Variants in SH3GL2 observed in about 807,000 individuals in gnomAD.
The protein encoded by SH3GL2 is endophilin-A1.
Under a neutral mutation model 46.0 loss-of-function variants are expected in SH3GL2, and 24 were observed. The observed-to-expected ratio is 0.52, with a 90% CI of 0.38 to 0.73. The LOEUF (loss-of-function observed/expected upper bound fraction) is 0.73. Ranked by LOEUF, SH3GL2 falls within the 30% of genes least tolerant of loss-of-function variation. The pLI is 0.00. For missense variants in SH3GL2, 413 were observed against 424.2 expected (o/e 0.97, Z 0.23); for synonymous variants, 196 against 147.1 (o/e 1.33, Z -2.40).
chr9:17,634,158 C>G (rs1459478390), intron 1 of SH3GL2, among the ~76,000 whole-genome samples: 1 of 152,000 alleles, frequency 6.6e-6, no homozygotes, highest in African/African-American at 2.4e-5. Flanking sequence ...ACCACTGGTA[C>G]CCTCAGGTGG....
intron 7 of SH3GL2, among the ~76,000 whole-genome samples, chr9:17,792,881 G>C (rs1300738825): frequency 1.3e-5 from 2 of 152,152 alleles, no homozygotes; most frequent in East Asian, 3.9e-4. Context: ...CTCCCTTACA[G>C]ACCATAATCT....
intron 1 of SH3GL2, among the ~76,000 whole-genome samples, chr9:17,718,963 G>A (rs557018817): frequency 3.3e-5 from 5 of 152,094 alleles, no homozygotes; most frequent in African/African-American, 1.2e-4. Context: ...AACTTCTGAG[G>A]GTTTACTTTT....
chr9:17,720,246 G>T (rs1239416824), intron 1 of SH3GL2, among the ~76,000 whole-genome samples: 1 of 152,026 alleles, frequency 6.6e-6, no homozygotes, highest in African/African-American at 2.4e-5. Flanking sequence ...CAGACAGGAG[G>T]GGACAAAAGA....
At chr9:17,709,680 T>TACACACAA (rs372589852) in intron 1 of SH3GL2, among the ~76,000 whole-genome samples, 2 of 148,164 alleles carry the variant, frequency 1.3e-5, no homozygotes, top group African/African-American at 5.0e-5. Flanking sequence ...TTATTTGTAT[T>TACACACAA]ACACACACAC....
chr9:17,721,789 C>T (rs75186609), intron 1 of SH3GL2, among the ~76,000 whole-genome samples: 2,369 of 152,072 alleles, frequency 0.016, 28 homozygotes, highest in Non-Finnish European at 0.025. Flanking sequence ...TCCCAGCCTC[C>T]GTAACACTTG....
intron 1 of SH3GL2, among the ~76,000 whole-genome samples, chr9:17,726,814 A>T (rs1311111485): frequency 1.3e-5 from 2 of 152,162 alleles, no homozygotes; most frequent in African/African-American, 2.4e-5. Context: ...AGTATTGGGG[A>T]AGATGTGGAG....
intron 3 of SH3GL2, among the ~76,000 whole-genome samples, chr9:17,773,032 G>A (rs1045089954): frequency 6.6e-6 from 1 of 152,080 alleles, no homozygotes; most frequent in African/African-American, 2.4e-5. Flanking sequence ...CCATCCTTAT[G>A]AGTGTGAGGT....
At chr9:17,697,787 C>G (rs527346828) in intron 1 of SH3GL2, among the ~76,000 whole-genome samples, 6 of 152,284 alleles carry the variant, frequency 3.9e-5, no homozygotes, top group Admixed American at 3.3e-4. Flanking sequence ...GCAGAAAATG[C>G]TAGGATTGTA....
At chr9:17,744,249 G>A (rs937730044) in intron 1 of SH3GL2, among the ~76,000 whole-genome samples, 75 of 152,180 alleles carry the variant, frequency 4.9e-4, no homozygotes, top group Non-Finnish European at 6.3e-4. Flanking sequence ...TAGGGAATCA[G>A]TGTGACAGTA....
chr9:17,749,336 A>G lies in SH3GL2; in HGVS notation c.114+2202A>G, dbSNP rs574591619. Among the ~76,000 whole-genome samples, 38 of 152,282 alleles carry G rather than the reference A, an allele frequency of 2.5e-4. 1 individual carries two copies. Among genetic ancestry groups the G allele is most frequent in the African/African-American group, 9.1e-4 (38 of 41,570 alleles). On this transcript the variant is annotated intron_variant, in intron 2 of 8. Transcript: ENST00000380607. ...GAAATGTCTTGTCTTTGACTCTTCT[A>G]CTGCCCATAAAATTGGAGTTCCTCA...
intron 1 of SH3GL2, among the ~76,000 whole-genome samples, chr9:17,619,070 T>A (rs1009165626): frequency 6.6e-6 from 1 of 152,212 alleles, no homozygotes; most frequent in Non-Finnish European, 1.5e-5. Flanking sequence ...CTAGATACAA[T>A]TCTCAGCACT....
intron 1 of SH3GL2, among the ~76,000 whole-genome samples, chr9:17,705,783 G>C (rs1016630294): frequency 1.3e-5 from 2 of 151,956 alleles, no homozygotes; most frequent in African/African-American, 4.8e-5. Context: ...GGGAACCATA[G>C]ACATTGGGAC....
intron 3 of SH3GL2, among the ~76,000 whole-genome samples, chr9:17,772,562 C>G (rs982679901): frequency 2.6e-5 from 4 of 152,154 alleles, no homozygotes; most frequent in Admixed American, 1.3e-4. Context: ...TTTAATTATT[C>G]TAATCACTTC....
chr9:17,643,045 G>T (rs927660541), intron 1 of SH3GL2, among the ~76,000 whole-genome samples: 4 of 152,128 alleles, frequency 2.6e-5, no homozygotes, highest in African/African-American at 9.7e-5. Context: ...CCATTTGTTT[G>T]TGTCCTCTGT....
At chr9:17,752,822 T>C (rs1822885011) in intron 2 of SH3GL2, among the ~76,000 whole-genome samples, 1 of 152,190 alleles carries the variant, frequency 6.6e-6, no homozygotes, top group Non-Finnish European at 1.5e-5. Context: ...TTAAGCCTAG[T>C]ACTCATTAGT....
intron 1 of SH3GL2, among the ~76,000 whole-genome samples, chr9:17,710,270 A>ATGACTGT (rs1380868154): frequency 6.6e-6 from 1 of 151,948 alleles, no homozygotes; most frequent in Non-Finnish European, 1.5e-5. Context: ...CCTTTCTGTC[A>ATGACTGT]TGACTGTAAG....
rs192402274 is a variant in SH3GL2, at chr9:17,617,373, A to G, written c.45+38086A>G. ...AATTAGATCTCTATCATTGTTTCCC[A>G]GTGCTCCTTGGAACCCTCCTCAGGG... is the stretch of plus-strand genomic sequence containing the variant. On this transcript the variant is annotated intron_variant, in intron 1 of 8. Coordinates refer to ENST00000380607, the MANE Select transcript of SH3GL2 (RefSeq NM_003026.5). Among the ~76,000 whole-genome samples the G allele has an allele frequency of 5.2e-3, 792 of 152,346 alleles. 3 individuals are homozygous for G. The highest frequency in any genetic ancestry group is 0.011 in the South Asian group (51 of 4,830).
chr9:17,603,801 G>A (rs989644721), intron 1 of SH3GL2, among the ~76,000 whole-genome samples: 1 of 152,098 alleles, frequency 6.6e-6, no homozygotes, highest in East Asian at 1.9e-4. Context: ...CGGAGGTTGT[G>A]GTGTGGTGAG....
At chr9:17,698,804 AT>A (rs369582395) in intron 1 of SH3GL2, among the ~76,000 whole-genome samples, 3 of 152,074 alleles carry the variant, frequency 2.0e-5, no homozygotes, top group Non-Finnish European at 2.9e-5. Flanking sequence ...GTGTTTATTC[AT>A]TTTTTTCTTT....
Sources: allele counts gnomAD v4.1 joint callset (sites outside exome capture counted in the v4.1 genomes callset), GRCh38; gene constraint gnomAD v4.1.1; transcripts MANE v1.5; gene names NCBI Gene and HGNC (gene_info 2026-07-23, HGNC 2026-07-21).